Variants in NCKAP1 observed in about 807,000 individuals in gnomAD.
NCKAP1 encodes NCK associated protein 1, also known as nck-associated protein 1.
In NCKAP1, 21 loss-of-function variants were observed where a neutral mutation model predicts 151.2. The observed-to-expected ratio is 0.14, with a 90% CI of 0.10 to 0.20. The LOEUF is 0.20. Among genes scored for constraint, NCKAP1 ranks in the 10% least tolerant of loss-of-function variants. The pLI is 1.00. For missense variants in NCKAP1, 933 were observed against 1,352.1 expected, an observed-to-expected ratio of 0.69 and a Z score of 4.86; for synonymous variants, 484 against 451.8, an observed-to-expected ratio of 1.07 and a Z score of -0.90.
intron 24 of NCKAP1, among the ~76,000 whole-genome samples, chr2:182,938,898 T>C (rs1696937739): frequency 6.6e-6 from 1 of 152,178 alleles, no homozygotes; most frequent in Non-Finnish European, 1.5e-5. Flanking sequence ...TGTAAAGGAA[T>C]GGGAGAGCTA....
chr2:182,933,612 C>T lies in NCKAP1; in HGVS notation c.2859+1140G>A, dbSNP rs190455201. On this transcript the variant is annotated intron_variant, in intron 26 of 30. Coordinates refer to ENST00000361354, the MANE Select transcript of NCKAP1 (RefSeq NM_013436.5). Reference sequence around the variant, plus strand: ...TTCTTCATGTTGGTCGGGCTGGTCTCGAACTCCTGACCTCAAGTGATCCAC... The same window carrying T: ...TTCTTCATGTTGGTCGGGCTGGTCTTGAACTCCTGACCTCAAGTGATCCAC... Among the ~76,000 whole-genome samples the T allele has an allele frequency of 1.7e-3, 257 of 151,940 alleles. 2 individuals are homozygous for T. The Middle Eastern group carries it at 0.017, about 10-fold the overall frequency.
chr2:182,986,969 C>T (rs1343128618), intron 9 of NCKAP1, among the ~76,000 whole-genome samples: 2 of 152,148 alleles, frequency 1.3e-5, no homozygotes, highest in Admixed American at 6.6e-5. Flanking sequence ...TGGCCAGGTA[C>T]GGTGGCTCAC....
At chr2:182,932,374 A>G (rs1696783871) in intron 26 of NCKAP1, among the ~76,000 whole-genome samples, 1 of 152,194 alleles carries the variant, frequency 6.6e-6, no homozygotes, top group Non-Finnish European at 1.5e-5. Context: ...AGAAGACTAC[A>G]CATGATGATT....
chr2:182,994,797 A>C (rs1205871176), intron 8 of NCKAP1, 42 bp downstream of exon 8: 2 of 1,512,976 alleles, frequency 1.3e-6, no homozygotes, highest in Non-Finnish European at 1.8e-6. Context: ...TCTAAAACAT[A>C]AAGCCTGGGG....
intron 16 of NCKAP1, among the ~76,000 whole-genome samples, chr2:182,965,605 A>T (rs1697553785): frequency 6.6e-6 from 1 of 152,198 alleles, no homozygotes; most frequent in Non-Finnish European, 1.5e-5. Flanking sequence ...AGTAGTAAAC[A>T]TTTCTTTATT....
intron 2 of NCKAP1, among the ~76,000 whole-genome samples, chr2:183,021,289 A>G (rs1698793435): frequency 6.6e-6 from 1 of 152,200 alleles, no homozygotes; most frequent in Non-Finnish European, 1.5e-5. Flanking sequence ...CACACAACGG[A>G]GTATTATTTG....
intron 23 of NCKAP1, among the ~76,000 whole-genome samples, chr2:182,950,532 A>G (rs186495315): frequency 6.6e-6 from 1 of 152,312 alleles, no homozygotes; most frequent in Admixed American, 6.5e-5. Flanking sequence ...TACTGCTTGT[A>G]AAGAACCAAG....
At chr2:183,022,062 C>T (rs1346108980) in intron 2 of NCKAP1, among the ~76,000 whole-genome samples, 2 of 152,060 alleles carry the variant, frequency 1.3e-5, no homozygotes, top group Admixed American at 1.3e-4. Context: ...AAACAGTTTG[C>T]CCGGCATATC....
At chr2:182,956,404 T>C in intron 20 of NCKAP1, 58 bp downstream of exon 20, 1 of 1,551,382 alleles carries the variant, frequency 6.4e-7, no homozygotes, top group Non-Finnish European at 8.8e-7. Flanking sequence ...CACTGTATAA[T>C]TAAATAACAA....
At chr2:183,028,443 A>G (rs1032748754) in intron 1 of NCKAP1, among the ~76,000 whole-genome samples, 2 of 152,104 alleles carry the variant, frequency 1.3e-5, no homozygotes, top group Non-Finnish European at 2.9e-5. Flanking sequence ...TGAATATTCT[A>G]ATTATAATAT....
chr2:183,034,063 A>G (rs1013988782), intron 1 of NCKAP1, among the ~76,000 whole-genome samples: 3 of 152,188 alleles, frequency 2.0e-5, no homozygotes, highest in Admixed American at 2.0e-4. Flanking sequence ...GATTGACCAA[A>G]AGAGAAAATA....
At position 182,967,498 on chromosome 2, in the gene NCKAP1, A is replaced by C. The variant is rs981839117; in HGVS notation, c.1483-137T>G. The C allele has an allele frequency of 1.9e-5, 14 of 733,798 alleles. 1 individual carries two copies. Among genetic ancestry groups the C allele is most frequent in the Admixed American group, 9.2e-5 (3 of 32,574 alleles). 45.5% of individuals were successfully genotyped at this position (733,798 alleles called of 1,614,324 possible). A position where few individuals can be genotyped will look rare whatever the true frequency, so the allele number is the denominator to read the frequency against. ...CACTGACAGTAACATCTACTGTGTTAGTTGTCTGTAGTGACCCTACCTTGA... is the reference window on the plus strand; with the variant it reads ...CACTGACAGTAACATCTACTGTGTTCGTTGTCTGTAGTGACCCTACCTTGA... On this transcript the variant is annotated intron_variant, in intron 15 of 30. Coordinates refer to ENST00000361354, the MANE Select transcript of NCKAP1 (RefSeq NM_013436.5).
Position 182,928,180 on chromosome 2 carries a change from A to G in NCKAP1, c.3117T>C (p.Ile1039=). Residue 1039 remains isoleucine (I), a synonymous_variant, in exon 29 of 31, where the codon ATT becomes ATC. Coordinates refer to ENST00000361354, the MANE Select transcript of NCKAP1 (RefSeq NM_013436.5). ...TGTGAATTGTAAACAAAGCTGCAGCAATCTGGTTGATGGCTTTGGCCAAGC... is the reference window on the plus strand; with the variant it reads ...TGTGAATTGTAAACAAAGCTGCAGCGATCTGGTTGATGGCTTTGGCCAAGC... ...IHCLAKAINQ[I]AAALFTIHKG... is the part of the protein sequence containing the mutation. 6.2e-7 allele frequency: 1 copy of G among 1,613,142 alleles called. No individual in the cohort carries two copies. Among genetic ancestry groups the G allele is most frequent in the Non-Finnish European group, 8.5e-7 (1 of 1,179,364 alleles).
At chr2:183,027,632 A>G (rs1698922881) in intron 1 of NCKAP1, among the ~76,000 whole-genome samples, 1 of 152,138 alleles carries the variant, frequency 6.6e-6, no homozygotes, top group African/African-American at 2.4e-5. Context: ...AGGTGGGAGG[A>G]TCACTTGAGG....
intron 24 of NCKAP1, among the ~76,000 whole-genome samples, chr2:182,936,734 G>C (rs1696883511): frequency 6.6e-6 from 1 of 152,042 alleles, no homozygotes. Context: ...ATGATATAAG[G>C]CGCAAATTTA....
At chr2:182,967,083 T>C (rs1293310931) in intron 16 of NCKAP1, 133 bp downstream of exon 16, 1 of 764,814 alleles carries the variant, frequency 1.3e-6, no homozygotes, top group Non-Finnish European at 1.9e-6. Flanking sequence ...TTAATAAAAG[T>C]CCACTATTCC....
chr2:182,989,428 C>T (rs1698123346), intron 8 of NCKAP1, among the ~76,000 whole-genome samples: 1 of 152,162 alleles, frequency 6.6e-6, no homozygotes, highest in African/African-American at 2.4e-5. Context: ...AATGTCACTT[C>T]TGGGTTATGA....
At chr2:182,991,108 G>A (rs925539582) in intron 8 of NCKAP1, among the ~76,000 whole-genome samples, 5 of 152,108 alleles carry the variant, frequency 3.3e-5, no homozygotes, top group African/African-American at 4.8e-5. Flanking sequence ...ACCTTTGTAC[G>A]TTAACACTTA....
intron 2 of NCKAP1, among the ~76,000 whole-genome samples, chr2:183,010,862 T>A (rs763236743): frequency 3.9e-5 from 6 of 152,232 alleles, no homozygotes; most frequent in Non-Finnish European, 7.3e-5. Flanking sequence ...TATAAATAGG[T>A]TAGTTCCTTT....
Sources: allele counts gnomAD v4.1 joint callset (sites outside exome capture counted in the v4.1 genomes callset), GRCh38; gene constraint gnomAD v4.1.1; transcripts MANE v1.5; gene names NCBI Gene and HGNC (gene_info 2026-07-23, HGNC 2026-07-21).